Variants in SNAPC3 observed in about 807,000 individuals in gnomAD.
SNAPC3 encodes small nuclear RNA activating complex polypeptide 3.
SNAPC3 carries 56 observed loss-of-function variants against 47.7 expected under a neutral mutation model. The observed-to-expected ratio is 1.18, with a 90% CI of 0.95 to 1.47. The LOEUF is 1.47. Among genes scored for constraint, SNAPC3 ranks in the 40% most tolerant of loss-of-function variants. The pLI, the probability that SNAPC3 is intolerant of heterozygous loss-of-function variation, is 0.00. For synonymous variants in SNAPC3, 235 were observed against 189.9 expected (o/e 1.24, Z -1.95); for missense variants, 665 against 511.3 (o/e 1.30, Z -2.90).
Position 15,459,961 on chromosome 9 carries a change from CACTTTGA to C in SNAPC3, c.*98_*104del, listed in dbSNP as rs1440189020. 9.1e-7 allele frequency: 1 copy of C among 1,097,370 alleles called. No individual in the cohort carries two copies. The highest frequency in any genetic ancestry group is 1.3e-6 in the Non-Finnish European group (1 of 767,468). The allele number at this position is 1,097,370 out of a possible 1,614,324, so 68.0% of individuals were successfully genotyped here. On this transcript the variant is annotated 3_prime_UTR_variant, in exon 9 of 9. Transcript: ENST00000380821. ...AGAAACGCCACTGAGGAACAGGATC[CACTTTGA>C]ACAGTCCGCTAAAGCTATCAAAAAA...
intron 3 of SNAPC3, among the ~76,000 whole-genome samples, chr9:15,440,439 A>G (rs2033221071): frequency 1.3e-5 from 2 of 152,176 alleles, no homozygotes. Context: ...CCTGAAGGAT[A>G]GTTTTGCCAA....
rs757856071 is a variant in SNAPC3 at position 15,459,985 on chromosome 9, A to G, written c.*119A>G. On this transcript the variant is annotated 3_prime_UTR_variant, in exon 9 of 9. Coordinates refer to ENST00000380821, the MANE Select transcript of SNAPC3 (RefSeq NM_001039697.2). Reference sequence around the variant, plus strand: ...CCACTTTGAACAGTCCGCTAAAGCTATCAAAAAAAAGTCCAAATGACAGAT... The same window carrying G: ...CCACTTTGAACAGTCCGCTAAAGCTGTCAAAAAAAAGTCCAAATGACAGAT... 6 of 783,350 alleles carry G rather than the reference A, an allele frequency of 7.7e-6. No individual in the cohort carries two copies. The highest frequency in any genetic ancestry group is 1.1e-5 in the Non-Finnish European group (6 of 525,726). The allele number at this position is 783,350 out of a possible 1,614,324, so 48.5% of individuals were successfully genotyped here.
chr9:15,441,378 C>CTTTTTTTTTTTTTTTTTTTT (rs1351664407), intron 3 of SNAPC3, among the ~76,000 whole-genome samples: 1 of 40,506 alleles, frequency 2.5e-5, no homozygotes. Context: ...CAAGAGTTCC[C>CTTTTTTTTTTTTTTTTTTTT]TTTTCTTTTT....
chr9:15,430,916 T>G (rs1283815600), intron 2 of SNAPC3, among the ~76,000 whole-genome samples: 1 of 152,094 alleles, frequency 6.6e-6, no homozygotes, highest in Non-Finnish European at 1.5e-5. Context: ...GTTTATTGGC[T>G]CTCATCTTCA....
At chr9:15,441,896 A>G (rs959327708) in intron 3 of SNAPC3, among the ~76,000 whole-genome samples, 11 of 152,180 alleles carry the variant, frequency 7.2e-5, no homozygotes, top group Non-Finnish European at 1.0e-4. Flanking sequence ...CCCGTTCTCA[A>G]TGAGCTGTTG....
Position 15,452,925 on chromosome 9 carries a change from C to A in SNAPC3, c.816-116C>A. 3.8e-6 allele frequency: 3 copies of A among 783,330 alleles called. No individual in the cohort carries two copies. In the South Asian group the frequency reaches 6.8e-5, roughly 18 times the overall value. The allele number at this position is 783,330 out of a possible 1,614,324, so 48.5% of individuals were successfully genotyped here. On this transcript the variant is annotated intron_variant, in intron 6 of 8. Transcript: ENST00000380821. Reference sequence around the variant, plus strand: ...TTTGGTCTTCATCTCAAGATGGCAACTGTCCAGTTAGTTGGGTGAGCTAGG... The same window carrying A: ...TTTGGTCTTCATCTCAAGATGGCAAATGTCCAGTTAGTTGGGTGAGCTAGG...
chr9:15,437,514 T>A (rs2032935734), intron 3 of SNAPC3, among the ~76,000 whole-genome samples: 1 of 152,186 alleles, frequency 6.6e-6, no homozygotes, highest in Non-Finnish European at 1.5e-5. Context: ...ATTACAGGCG[T>A]GAGCCACCGC....
chr9:15,442,632 T>G (rs909538966), intron 3 of SNAPC3, among the ~76,000 whole-genome samples: 1 of 151,318 alleles, frequency 6.6e-6, no homozygotes, highest in African/African-American at 2.4e-5. Flanking sequence ...GCAGAGACGC[T>G]CCTCACTTCC....
At chr9:15,452,061 C>G (rs1488077793) in intron 6 of SNAPC3, among the ~76,000 whole-genome samples, 30 of 152,044 alleles carry the variant, frequency 2.0e-4, no homozygotes, top group Admixed American at 1.9e-3. Flanking sequence ...CCTCCCAGGT[C>G]AAGCCATTCT....
intron 3 of SNAPC3, among the ~76,000 whole-genome samples, chr9:15,441,438 C>T (rs1587282594): frequency 1.2e-5 from 1 of 81,128 alleles, no homozygotes; most frequent in African/African-American, 4.5e-5. Context: ...GGGTGTTTCT[C>T]GAGGAGGGGG....
intron 3 of SNAPC3, among the ~76,000 whole-genome samples, chr9:15,443,117 G>A (rs987311644): frequency 4.6e-5 from 7 of 152,230 alleles, no homozygotes; most frequent in African/African-American, 1.2e-4. Context: ...CCGAGATGGC[G>A]GCAGTACAGT....
intron 2 of SNAPC3, among the ~76,000 whole-genome samples, chr9:15,429,164 GAC>G (rs2031828542): frequency 6.6e-6 from 1 of 151,950 alleles, no homozygotes. Context: ...TTGAAAAACT[GAC>G]ATACAAAGCA....
chr9:15,425,558 TACC>T (rs1461358630), intron 2 of SNAPC3, among the ~76,000 whole-genome samples: 1 of 152,156 alleles, frequency 6.6e-6, no homozygotes, highest in Non-Finnish European at 1.5e-5. Context: ...CTTTCCAGAT[TACC>T]ACAACCCATC....
chr9:15,437,721 A>G (rs1004306616), intron 3 of SNAPC3, among the ~76,000 whole-genome samples: 3 of 152,064 alleles, frequency 2.0e-5, no homozygotes, highest in African/African-American at 7.2e-5. Flanking sequence ...GGATAAATAA[A>G]TTCCACTTGG....
intron 7 of SNAPC3, among the ~76,000 whole-genome samples, chr9:15,453,798 C>T (rs761344004): frequency 7.9e-5 from 12 of 152,106 alleles, no homozygotes; most frequent in Non-Finnish European, 1.5e-4. Flanking sequence ...ATACTATGTA[C>T]GAATAAACCC....
At chr9:15,452,940 G>A (rs1303142815) in intron 6 of SNAPC3, 101 bp from the exon 7 acceptor site, 2 of 923,744 alleles carry the variant, frequency 2.2e-6, no homozygotes, top group East Asian at 2.5e-5. Context: ...CAGTTAGTTG[G>A]GTGAGCTAGG....
intron 5 of SNAPC3, among the ~76,000 whole-genome samples, chr9:15,448,107 G>C (rs1161729468): frequency 6.6e-6 from 1 of 152,162 alleles, no homozygotes; most frequent in Non-Finnish European, 1.5e-5. Flanking sequence ...ATCTCCTAGA[G>C]ATAAGTAAAA....
chr9:15,452,506 T>A (rs2034465942), intron 6 of SNAPC3, among the ~76,000 whole-genome samples: 1 of 151,868 alleles, frequency 6.6e-6, no homozygotes, highest in Admixed American at 6.6e-5. Context: ...TTAGTAGAGA[T>A]GGGGTTTTTC....
intron 5 of SNAPC3, among the ~76,000 whole-genome samples, chr9:15,450,032 C>T (rs1033041713): frequency 2.6e-5 from 4 of 151,900 alleles, no homozygotes; most frequent in African/African-American, 4.8e-5. Flanking sequence ...ATTTTGTTTC[C>T]AAAATAATAG....
Sources: gnomAD v4.1 joint callset for allele counts (sites outside exome capture counted in the v4.1 genomes callset) on GRCh38, gnomAD v4.1.1 for gene constraint, MANE v1.5 for transcripts, NCBI Gene and HGNC (gene_info 2026-07-23, HGNC 2026-07-21) for gene names.